PCLO: variants seen among roughly 807,000 people sequenced by gnomAD.
The protein encoded by PCLO is piccolo presynaptic cytomatrix protein, also known as protein piccolo.
PCLO carries 82 observed loss-of-function variants against 427.5 expected under a neutral mutation model. The observed-to-expected ratio is 0.19, with a 90% CI of 0.16 to 0.23. PCLO has a LOEUF of 0.23. Ranked by LOEUF, PCLO falls within the 10% of genes least tolerant of loss-of-function variation. The probability of loss-of-function intolerance (pLI) is 1.00; values close to 1 mark genes in which losing one functional copy is unlikely to be tolerated. For synonymous variants in PCLO, 2,357 were observed against 2,155.4 expected (o/e 1.09, Z -2.59); for missense variants, 6,239 against 6,115.9 (o/e 1.02, Z -0.67).
At chr7:82,994,354 G>A (rs1339280776) in intron 3 of PCLO, among the ~76,000 whole-genome samples, 1 of 151,842 alleles carries the variant, frequency 6.6e-6, no homozygotes. Flanking sequence ...TATGGAAAGG[G>A]AGGTGCAACT....
chr7:83,135,196 G>A lies in PCLO; in HGVS notation c.2354C>T (p.Ser785Leu), dbSNP rs887695762. The change falls in exon 3 of 25, where the codon TCA (serine) becomes TTA (leucine). Residue 785 changes from serine (S) to leucine (L), a missense_variant. Physicochemically the swap from Ser to Leu is moderately radical, Grantham distance 145. Around this residue, in one of 5 missense-constraint regions of PCLO, gnomAD observed 4,677 missense variants for 4,468.4 expected, o/e 1.05. Transcript: ENST00000333891. ...KPDIPSSKVQ[S>L]QAEEKTTPPL... Reference sequence around the variant, plus strand: ...AGGGGTTGTTTTCTCTTCAGCTTGTGACTGTACTTTGGAGCTTGGAATATC... The same window carrying A: ...AGGGGTTGTTTTCTCTTCAGCTTGTAACTGTACTTTGGAGCTTGGAATATC... The A allele has an allele frequency of 6.2e-7, 1 of 1,613,882 alleles. No individual in the cohort carries two copies. Among genetic ancestry groups the A allele is most frequent in the East Asian group, 2.2e-5 (1 of 44,852 alleles).
chr7:82,883,467 C>A (rs1793557414), intron 9 of PCLO, among the ~76,000 whole-genome samples: 1 of 151,982 alleles, frequency 6.6e-6, no homozygotes, highest in African/African-American at 2.4e-5. Flanking sequence ...ACAGTTTGTT[C>A]ATTAATTCTC....
chr7:82,806,340 G>C (rs755167242), intron 20 of PCLO, among the ~76,000 whole-genome samples: 36 of 152,102 alleles, frequency 2.4e-4, no homozygotes, highest in Non-Finnish European at 4.4e-4. Context: ...AATTCTGTTT[G>C]TTTGTATGTA....
intron 3 of PCLO, among the ~76,000 whole-genome samples, chr7:83,092,431 C>T (rs1790401182): frequency 6.6e-6 from 1 of 152,066 alleles, no homozygotes; most frequent in South Asian, 2.1e-4. Flanking sequence ...CAAACAGAAG[C>T]CCAGATAACA....
At chr7:83,026,886 A>G (rs1042164020) in intron 3 of PCLO, among the ~76,000 whole-genome samples, 3 of 144,478 alleles carry the variant, frequency 2.1e-5, no homozygotes, top group African/African-American at 7.6e-5. Flanking sequence ...AGGCAGAAAT[A>G]AAGATGTTCT....
intron 2 of PCLO, among the ~76,000 whole-genome samples, chr7:83,137,012 A>C (rs1303234315): frequency 6.6e-6 from 1 of 152,190 alleles, no homozygotes; most frequent in Non-Finnish European, 1.5e-5. Flanking sequence ...TCTCCACCCA[A>C]GGTAACCAAT....
rs562879447 is a variant in PCLO at position 82,848,122 on chromosome 7, C to G, written c.13655-875G>C. Reference sequence around the variant, plus strand: ...AGCTCCTTTGGTCCATTTTATATGACCTGTCAAAATCATTGAGGGGTCCAC... The same window carrying G: ...AGCTCCTTTGGTCCATTTTATATGAGCTGTCAAAATCATTGAGGGGTCCAC... On this transcript the variant is annotated intron_variant, in intron 10 of 24. Coordinates refer to ENST00000333891, the MANE Select transcript of PCLO (RefSeq NM_033026.6). Among the ~76,000 whole-genome samples, 7 of 151,854 alleles carry G rather than the reference C, an allele frequency of 4.6e-5. No homozygotes were observed. The East Asian group carries it at 1.4e-3, about 30-fold the overall frequency.
chr7:82,953,705 A>AGGAGGAGGAGGGGGAGGG lies in PCLO; in HGVS notation c.7230_7247dup (p.Pro2421_Pro2426dup). The AGGAGGAGGAGGGGGAGGG allele has an allele frequency of 2.3e-6, 1 of 440,976 alleles. No homozygotes were observed. The highest frequency in any genetic ancestry group is 1.9e-5 in the South Asian group (1 of 52,394). 27.3% of individuals were successfully genotyped at this position (440,976 alleles called of 1,614,324 possible). A position where few individuals can be genotyped will look rare whatever the true frequency, so the allele number is the denominator to read the frequency against. On this transcript the variant is annotated inframe_insertion, in exon 5 of 25. Coordinates refer to ENST00000333891, the MANE Select transcript of PCLO (RefSeq NM_033026.6). ...GGGGAGGAGGGGGTGGTGGTGGAGGAGGAGGAGGAGGGGGAGGGGGAGGAG... is the reference window on the plus strand; with the variant it reads ...GGGGAGGAGGGGGTGGTGGTGGAGGAGGAGGAGGAGGGGGAGGGGGAGGAGGAGGGGGAGGGGGAGGAG...
intron 20 of PCLO, among the ~76,000 whole-genome samples, chr7:82,819,822 A>T (rs1791753106): frequency 6.6e-6 from 1 of 152,188 alleles, no homozygotes; most frequent in Non-Finnish European, 1.5e-5. Context: ...GCAATAGGAA[A>T]GTATAAGGCT....
chr7:83,131,780 A>G (rs1791579625), intron 3 of PCLO, among the ~76,000 whole-genome samples: 1 of 152,020 alleles, frequency 6.6e-6, no homozygotes, highest in African/African-American at 2.4e-5. Flanking sequence ...TAAGGAAAAC[A>G]TAGACACACA....
chr7:83,023,240 A>G (rs894160071), intron 3 of PCLO, among the ~76,000 whole-genome samples: 1 of 152,208 alleles, frequency 6.6e-6, no homozygotes, highest in African/African-American at 2.4e-5. Context: ...TGCAGATCAT[A>G]ATGTAAAAAT....
Position 83,097,032 on chromosome 7 carries a change from A to ATAT in PCLO, c.3300+37215_3300+37217dup, listed in dbSNP as rs1554396511. ...AATATATATTATATATTATATAAAT[A>ATAT]TATATTATATATTATATAAATATAT... On this transcript the variant is annotated intron_variant, in intron 3 of 24. Transcript: ENST00000333891. Among the ~76,000 whole-genome samples the ATAT allele has an allele frequency of 8.2e-4, 22 of 26,926 alleles. 2 individuals carry two copies. Among genetic ancestry groups the ATAT allele is most frequent in the African/African-American group, 4.8e-3 (16 of 3,336 alleles). 17.7% of individuals were successfully genotyped at this position (26,926 alleles called of 152,430 possible).
chr7:83,097,015 T>A lies in PCLO; in HGVS notation c.3300+37235A>T, dbSNP rs1187740645. On this transcript the variant is annotated intron_variant, in intron 3 of 24. Transcript: ENST00000333891. ...ATATATATTATATAAATAATATATA[T>A]TATATATTATATAAATATATATTAT... is the stretch of plus-strand genomic sequence containing the variant. Among the ~76,000 whole-genome samples the A allele has an allele frequency of 2.6e-4, 15 of 57,950 alleles. 1 individual carries two copies. The highest frequency in any genetic ancestry group is 1.3e-3 in the African/African-American group (15 of 11,342). 38.0% of individuals were successfully genotyped at this position (57,950 alleles called of 152,430 possible). A position where few individuals can be genotyped will look rare whatever the true frequency, so the allele number is the denominator to read the frequency against.
intron 3 of PCLO, among the ~76,000 whole-genome samples, chr7:83,122,281 CTTTTCTTTTT>C (rs1791301739): frequency 8.6e-6 from 1 of 115,996 alleles, no homozygotes; most frequent in Non-Finnish European, 1.7e-5. Context: ...TCTTTCTTTT[CTTTTCTTTTT>C]TTTTTTTTTT....
At chr7:82,856,093 T>G (rs1399045240) in intron 10 of PCLO, among the ~76,000 whole-genome samples, 1 of 152,054 alleles carries the variant, frequency 6.6e-6, no homozygotes, top group Non-Finnish European at 1.5e-5. Flanking sequence ...TGGCGTGGAC[T>G]GATGTACAGA....
rs781499667 is a variant in PCLO at position 82,879,330 on chromosome 7, T to C, written c.13654+7A>G. ...TTTTATTTTACTGTAAAATTCCTTA[T>C]TCTTACCTTCCATAAGCTTCCCCGT... On this transcript the variant is annotated splice_region_variant and intron_variant, in intron 10 of 24. Coordinates refer to ENST00000333891, the MANE Select transcript of PCLO (RefSeq NM_033026.6). The C allele has an allele frequency of 8.1e-6, 13 of 1,601,980 alleles. No homozygotes were observed. The highest frequency in any genetic ancestry group is 2.7e-5 in the African/African-American group (2 of 74,152).
chr7:83,035,462 G>A (rs983102713), intron 3 of PCLO, among the ~76,000 whole-genome samples: 5 of 151,980 alleles, frequency 3.3e-5, no homozygotes, highest in African/African-American at 1.2e-4. Flanking sequence ...ATGTCCACAA[G>A]AAATGCAATT....
At chr7:83,070,227 G>A (rs949027724) in intron 3 of PCLO, among the ~76,000 whole-genome samples, 3 of 152,124 alleles carry the variant, frequency 2.0e-5, no homozygotes, top group African/African-American at 7.2e-5. Flanking sequence ...GAGTCTGGAA[G>A]TAGAACCTCT....
intron 3 of PCLO, among the ~76,000 whole-genome samples, chr7:83,060,546 A>G (rs1789518182): frequency 6.6e-6 from 1 of 152,032 alleles, no homozygotes; most frequent in African/African-American, 2.4e-5. Context: ...CCACTACTAC[A>G]TTATCTCTTC....
Sources: allele counts gnomAD v4.1 joint callset (sites outside exome capture counted in the v4.1 genomes callset), GRCh38; gene constraint gnomAD v4.1.1; regional missense constraint gnomAD v4.1.1; transcripts MANE v1.5; gene names NCBI Gene and HGNC (gene_info 2026-07-23, HGNC 2026-07-21).